EVC2: variants seen among roughly 807,000 people sequenced by gnomAD.
The protein encoded by EVC2 is limbin.
A neutral mutation model predicts 149.3 loss-of-function variants in EVC2; 148 were observed. The ratio of observed to expected loss-of-function variants is 0.99; its 90% CI spans 0.87 to 1.14. The LOEUF is 1.14. EVC2 is among the 50% of genes most tolerant of loss of function. The pLI is 0.00. For missense variants in EVC2, 1,854 were observed against 1,627.3 expected, an observed-to-expected ratio of 1.14 and a Z score of -2.40; for synonymous variants, 776 against 649.9, an observed-to-expected ratio of 1.19 and a Z score of -2.95.
intron 21 of EVC2, among the ~76,000 whole-genome samples, chr4:5,553,051 TAAAG>T (rs1721771354): frequency 1.3e-5 from 2 of 152,190 alleles, no homozygotes; most frequent in Admixed American, 6.5e-5. Flanking sequence ...CACATTGCTA[TAAAG>T]AAATACCCGA....
chr4:5,650,630 T>TAGAGAG (rs1477699429), intron 9 of EVC2, among the ~76,000 whole-genome samples: 30 of 67,898 alleles, frequency 4.4e-4, no homozygotes, highest in Non-Finnish European at 5.8e-4. Flanking sequence ...TATATATATA[T>TAGAGAG]ATATATATAG....
the EVC2 span, among the ~76,000 whole-genome samples, chr4:5,534,818 GAAAAAAAAAAA>G: frequency 1.5e-5 from 1 of 66,886 alleles, no homozygotes; most frequent in African/African-American, 5.2e-5. Context: ...CATCTGGTAG[GAAAAAAAAAAA>G]AAAAAAAAAA....
rs78804781 is a variant in EVC2 at position 5,706,723 on chromosome 4, C to T, written c.228+1563G>A. Among the ~76,000 whole-genome samples the T allele has an allele frequency of 1.9e-3, 292 of 152,142 alleles. 2 individuals carry two copies. The highest frequency in any genetic ancestry group is 6.5e-3 in the African/African-American group (271 of 41,512). The stretch of plus-strand genomic sequence containing the variant: ...CTTTCCTGTACAGTGTGCAGAAGGG[C>T]TATGCAAGACAGGCCCAGAGAGACG... On this transcript the variant is annotated intron_variant, in intron 1 of 21. Coordinates refer to ENST00000344408, the MANE Select transcript of EVC2 (RefSeq NM_147127.5).
At chr4:5,617,101 T>TA (rs5855864) in intron 15 of EVC2, among the ~76,000 whole-genome samples, 6,334 of 151,000 alleles carry the variant, frequency 0.042, 410 homozygotes, top group African/African-American at 0.14. Context: ...CAACAGTACT[T>TA]AAAAAAAAAA....
chr4:5,612,712 G>A (rs1714929196), intron 16 of EVC2, among the ~76,000 whole-genome samples: 1 of 152,076 alleles, frequency 6.6e-6, no homozygotes, highest in East Asian at 1.9e-4. Flanking sequence ...CACGAGGTCA[G>A]GAGATCCAGA....
chr4:5,544,420 A>C (rs868019810), intron 21 of EVC2, among the ~76,000 whole-genome samples: 14 of 152,236 alleles, frequency 9.2e-5, no homozygotes, highest in African/African-American at 2.2e-4. Flanking sequence ...GCTACCCCCC[A>C]CACACATGCA....
At chr4:5,543,281 T>C (rs1577085707) in intron 21 of EVC2, 1 of 1,091,384 alleles carries the variant, frequency 9.2e-7, no homozygotes, top group Non-Finnish European at 1.2e-6. Context: ...ACCATCACCA[T>C]CCACCCCAAG....
At chr4:5,647,190 C>T (rs1717783280) in intron 9 of EVC2, among the ~76,000 whole-genome samples, 1 of 152,160 alleles carries the variant, frequency 6.6e-6, no homozygotes, top group African/African-American at 2.4e-5. Context: ...TAATGCTGTC[C>T]TCACAGCAAG....
In EVC2 at chr4:5,630,539, T is replaced by C. The variant is rs1009411819; in HGVS notation, c.1710+1254A>G. On this transcript the variant is annotated intron_variant, in intron 11 of 21. Coordinates refer to ENST00000344408, the MANE Select transcript of EVC2 (RefSeq NM_147127.5). ...AGTAGGGAATTTCAAGGTGGGAAAA[T>C]TAACCAGCAAGCCACTTTCTGGAAT... Among the ~76,000 whole-genome samples the C allele has an allele frequency of 3.3e-5, 5 of 152,150 alleles. No homozygotes were observed. The East Asian group carries it at 7.7e-4, about 23-fold the overall frequency.
intron 21 of EVC2, among the ~76,000 whole-genome samples, chr4:5,553,049 TATAAAGAA>T: frequency 6.6e-6 from 1 of 152,178 alleles, no homozygotes; most frequent in East Asian, 1.9e-4. Flanking sequence ...CTCACATTGC[TATAAAGAA>T]ATACCCGAGA....
chr4:5,693,258 A>G (rs1251765816), intron 3 of EVC2, among the ~76,000 whole-genome samples: 1 of 152,198 alleles, frequency 6.6e-6, no homozygotes, highest in African/African-American at 2.4e-5. Flanking sequence ...ATGAACCCCA[A>G]AGGATATGTC....
upstream of EVC2, chr4:5,709,439 A>G (rs1483378661): frequency 6.6e-6 from 1 of 152,228 alleles, no homozygotes; most frequent in Non-Finnish European, 1.5e-5. Flanking sequence ...CAGGCCAGCG[A>G]GCCTGGCCCC....
chr4:5,650,604 CATATATATAT>C (rs66673359), intron 9 of EVC2, among the ~76,000 whole-genome samples: 1,166 of 52,988 alleles, frequency 0.022, 22 homozygotes, highest in East Asian at 0.026. Context: ...TTTTAATCGC[CATATATATAT>C]ATATATATAT....
At chr4:5,533,998 G>C in the EVC2 span, among the ~76,000 whole-genome samples, 6 of 152,188 alleles carry the variant, frequency 3.9e-5, no homozygotes, top group African/African-American at 1.4e-4. Context: ...GAGCCAAGAG[G>C]CATATCCTTC....
At chr4:5,646,268 T>A (rs1205790629) in intron 9 of EVC2, among the ~76,000 whole-genome samples, 5 of 152,180 alleles carry the variant, frequency 3.3e-5, no homozygotes, top group Admixed American at 2.6e-4. Flanking sequence ...TTCTGACTTG[T>A]GTGAGGTGGT....
chr4:5,610,843 ATCTATGAATGTG>A (rs1157743550), intron 16 of EVC2, among the ~76,000 whole-genome samples: 1 of 131,748 alleles, frequency 7.6e-6, no homozygotes, highest in Non-Finnish European at 1.6e-5. Context: ...TTCCTTAAGT[ATCTATGAATGTG>A]TGGCAAGTAG....
intron 14 of EVC2, among the ~76,000 whole-genome samples, chr4:5,619,315 T>C (rs1715508946): frequency 6.6e-6 from 1 of 152,192 alleles, no homozygotes; most frequent in Non-Finnish European, 1.5e-5. Context: ...TGAGCTAAGA[T>C]GAGGCCATAT....
At chr4:5,543,973 C>T (rs533344979) in intron 21 of EVC2, among the ~76,000 whole-genome samples, 1 of 152,128 alleles carries the variant, frequency 6.6e-6, no homozygotes, top group African/African-American at 2.4e-5. Flanking sequence ...AGTGTGGGCA[C>T]CCTCGTGACC....
intron 6 of EVC2, among the ~76,000 whole-genome samples, chr4:5,681,549 G>C (rs1720346071): frequency 1.3e-5 from 2 of 152,174 alleles, no homozygotes; most frequent in African/African-American, 4.8e-5. Flanking sequence ...AACATCCAGA[G>C]AAAGTCATGG....
Sources: gnomAD v4.1 joint callset for allele counts (sites outside exome capture counted in the v4.1 genomes callset) on GRCh38, gnomAD v4.1.1 for gene constraint, MANE v1.5 for transcripts, NCBI Gene and HGNC (gene_info 2026-07-23, HGNC 2026-07-21) for gene names.